NINL: variants seen among roughly 807,000 people sequenced by gnomAD.
NINL encodes the protein ninein like, also known as ninein-like protein.
NINL carries 153 observed loss-of-function variants against 160.3 expected under a neutral mutation model. That is an observed-to-expected ratio of 0.95 (90% confidence interval 0.84 to 1.09). The LOEUF is 1.09. Among genes scored for constraint, NINL ranks in the 50% least tolerant of loss-of-function variants. The pLI is 0.00. For missense variants in NINL, 1,829 were observed against 1,764.0 expected (o/e 1.04, Z -0.66); for synonymous variants, 800 against 734.8 (o/e 1.09, Z -1.43).
rs545247551 is a variant in NINL, at chr20:25,539,752, G to A, written c.-11-13154C>T. ...TAACTCTCCCCAGGGAGCCCACAGC[G>A]TGTGAGCCGCCCACCCAAAGCCCTC... On this transcript the variant is annotated intron_variant, in intron 1 of 23. Transcript: ENST00000278886. 5.2e-4 allele frequency among the ~76,000 whole-genome samples: 79 copies of A among 152,324 alleles called. 1 individual carries two copies. The highest frequency in any genetic ancestry group is 1.7e-3 in the African/African-American group (69 of 41,570).
intron 23 of NINL, among the ~76,000 whole-genome samples, chr20:25,454,977 C>T (rs2090631009): frequency 6.6e-6 from 1 of 152,178 alleles, no homozygotes; most frequent in African/African-American, 2.4e-5. Context: ...AAACCCCTGA[C>T]CTTGGCTTCT....
chr20:25,502,520 C>T (rs926984127), intron 7 of NINL, among the ~76,000 whole-genome samples: 1 of 152,168 alleles, frequency 6.6e-6, no homozygotes, highest in South Asian at 2.1e-4. Flanking sequence ...TAGACAGACT[C>T]GATGGATCCT....
In NINL at chr20:25,476,414, C is replaced by T; in HGVS notation, c.2877G>A (p.Glu959=). 6.0e-6 allele frequency: 3 copies of T among 497,870 alleles called. No homozygotes were observed. The highest frequency in any genetic ancestry group is 2.8e-3 in the East Asian group (1 of 360). The allele number at this position is 497,870 out of a possible 1,614,324, so 30.8% of individuals were successfully genotyped here. A position where few individuals can be genotyped will look rare whatever the true frequency, so the allele number is the denominator to read the frequency against. ...ACGAAGCGGCCGGCCTCAGGGGTGG[C>T]TCCCACATCCGTGGCTGGGTTTGCG... ...DASQTQPRMW[E]PPLRPAASCR... The change falls in exon 17 of 24, where the codon GAG becomes GAA. Residue 959 remains glutamate (E), a synonymous_variant. Coordinates refer to ENST00000278886, the MANE Select transcript of NINL (RefSeq NM_025176.6).
rs766047303 is a variant in NINL at position 25,526,608 on chromosome 20, T to C, written c.-11-10A>G. ...TCCATCCCATAGCAGGCTGGCAGTGTGCAAGGGAAGAAGAAAACATCAGGA... is the reference window on the plus strand; with the variant it reads ...TCCATCCCATAGCAGGCTGGCAGTGCGCAAGGGAAGAAGAAAACATCAGGA... On this transcript the variant is annotated splice_polypyrimidine_tract_variant and intron_variant, in intron 1 of 23. Transcript: ENST00000278886. 6.2e-7 allele frequency: 1 copy of C among 1,606,706 alleles called. No individual in the cohort carries two copies. The highest frequency in any genetic ancestry group is 1.7e-5 in the Admixed American group (1 of 59,746).
Position 25,550,781 on chromosome 20 carries a change from A to G in NINL, c.-11-24183T>C, listed in dbSNP as rs190356362. Among the ~76,000 whole-genome samples the G allele has an allele frequency of 5.1e-3, 773 of 152,358 alleles. 3 individuals carry two copies. The highest frequency in any genetic ancestry group is 7.3e-3 in the Non-Finnish European group (500 of 68,044). On this transcript the variant is annotated intron_variant, in intron 1 of 23. Coordinates refer to ENST00000278886, the MANE Select transcript of NINL (RefSeq NM_025176.6). ...GCGGTTTTTTCCTATCTCAGTAAAT[A>G]GAATGTACGATCAGGTTTTACACTG...
chr20:25,493,245 T>C (rs886585577), intron 10 of NINL, among the ~76,000 whole-genome samples: 7 of 152,028 alleles, frequency 4.6e-5, no homozygotes, highest in Non-Finnish European at 8.8e-5. Context: ...CAAGGAGCAC[T>C]CTTGTCTAGG....
At chr20:25,529,319 T>C (rs1449423007) in intron 1 of NINL, among the ~76,000 whole-genome samples, 3 of 152,112 alleles carry the variant, frequency 2.0e-5, no homozygotes, top group Non-Finnish European at 2.9e-5. Flanking sequence ...ATTAAACTGA[T>C]TGTAGAAGGT....
chr20:25,491,297 G>A, intron 11 of NINL, 54 bp downstream of exon 11: 3 of 1,551,964 alleles, frequency 1.9e-6, no homozygotes, highest in Non-Finnish European at 2.6e-6. Context: ...ACGTGGGTGT[G>A]GGGAATGCTC....
chr20:25,490,677 G>A lies in NINL; in HGVS notation c.1485+674C>T, dbSNP rs1342142688. On this transcript the variant is annotated intron_variant, in intron 11 of 23. Coordinates refer to ENST00000278886, the MANE Select transcript of NINL (RefSeq NM_025176.6). The stretch of plus-strand genomic sequence containing the variant: ...AACCAGGGATCAGATATCGTACCAG[G>A]ACAGCTCAGACAGCCATTGCCAGGG... 2.6e-5 allele frequency among the ~76,000 whole-genome samples: 4 copies of A among 152,080 alleles called. No homozygotes were observed. The East Asian group carries it at 7.7e-4, about 29-fold the overall frequency.
chr20:25,462,464 C>T lies in NINL; in HGVS notation c.3501G>A (p.Gln1167=). The change falls in exon 20 of 24, where the codon CAG becomes CAA. Residue 1167 remains glutamine, a synonymous_variant. Coordinates refer to ENST00000278886, the MANE Select transcript of NINL (RefSeq NM_025176.6). Reference sequence around the variant, plus strand: ...TCACACGATGCTCCTCGTTTTGGGCCTGGTGGGTAGAAGCCTCCTGTCCCA... The same window carrying T: ...TCACACGATGCTCCTCGTTTTGGGCTTGGTGGGTAGAAGCCTCCTGTCCCA... ...LQLGQEASTH[Q]AQNEEHRVTI... is the part of the protein sequence containing the mutation. 10 of 1,614,170 alleles carry T rather than the reference C, an allele frequency of 6.2e-6. No homozygotes were observed. Among genetic ancestry groups the T allele is most frequent in the Admixed American group, 1.7e-5 (1 of 60,014 alleles).
Position 25,571,778 on chromosome 20 carries a change from A to T in NINL, c.-12+13677T>A, listed in dbSNP as rs145943370. Among the ~76,000 whole-genome samples the T allele has an allele frequency of 8.3e-4, 125 of 149,728 alleles. 1 individual carries two copies. In the East Asian group the frequency reaches 0.023, roughly 28 times the overall value. On this transcript the variant is annotated intron_variant, in intron 1 of 23. Coordinates refer to ENST00000278886, the MANE Select transcript of NINL (RefSeq NM_025176.6). ...GTTACTCAGGAGGCTGAGGCAGGAG[A>T]ATTGCTTGAATCCTGGGAGGCAAAG... is the stretch of plus-strand genomic sequence containing the variant.
At chr20:25,518,962 C>G (rs2146921952) in intron 2 of NINL, among the ~76,000 whole-genome samples, 1 of 152,064 alleles carries the variant, frequency 6.6e-6, no homozygotes, top group South Asian at 2.1e-4. Context: ...GCCGGGCATG[C>G]TGGCGTGTGC....
chr20:25,574,772 G>A (rs1568974749), intron 1 of NINL, among the ~76,000 whole-genome samples: 1 of 152,182 alleles, frequency 6.6e-6, no homozygotes, highest in Non-Finnish European at 1.5e-5. Context: ...TGGTATGGGG[G>A]TGGAATCCTT....
chr20:25,567,043 C>A (rs898322853), intron 1 of NINL, among the ~76,000 whole-genome samples: 2 of 151,944 alleles, frequency 1.3e-5, no homozygotes, highest in Admixed American at 1.3e-4. Flanking sequence ...GAGTTTGAGG[C>A]TGCAGTGAAC....
At chr20:25,543,293 TA>T (rs1270591838) in intron 1 of NINL, among the ~76,000 whole-genome samples, 3 of 152,162 alleles carry the variant, frequency 2.0e-5, no homozygotes, top group Non-Finnish European at 4.4e-5. Flanking sequence ...CTCATGCCTG[TA>T]ATCCCAGCAC....
At chr20:25,493,974 C>T (rs1342521238) in intron 10 of NINL, among the ~76,000 whole-genome samples, 3 of 152,048 alleles carry the variant, frequency 2.0e-5, no homozygotes, top group African/African-American at 7.3e-5. Flanking sequence ...TGACCACAGT[C>T]CCACAGGGGC....
At chr20:25,457,909 A>C (rs1399325426) in intron 22 of NINL, among the ~76,000 whole-genome samples, 1 of 152,200 alleles carries the variant, frequency 6.6e-6, no homozygotes, top group Admixed American at 6.5e-5. Flanking sequence ...AGGCACAGAG[A>C]GGTTCACTTG....
intron 2 of NINL, among the ~76,000 whole-genome samples, chr20:25,525,567 T>C (rs964545705): frequency 1.3e-5 from 2 of 152,028 alleles, no homozygotes; most frequent in African/African-American, 2.4e-5. Context: ...GGCGGGAGGA[T>C]TGCTTGAGTC....
chr20:25,462,506 A>C lies in NINL; in HGVS notation c.3459T>G (p.Asn1153Lys). The stretch of plus-strand genomic sequence containing the variant: ...CCTGTCCCAGTTGAAGAACCCTGAC[A>C]TTGAGCTGGGATAATTGATCCTTGT... ...QNYKDQLSQL[N>K]VRVLQLGQEA... Residue 1153 changes from asparagine (N) to lysine (K), a missense_variant, in exon 20 of 24, where the codon AAT becomes AAG. Physicochemically the swap from Asn to Lys is moderately conservative, Grantham distance 94 (BLOSUM62 0). Transcript: ENST00000278886. The C allele has an allele frequency of 6.2e-7, 1 of 1,614,204 alleles. No homozygotes were observed. The highest frequency in any genetic ancestry group is 8.5e-7 in the Non-Finnish European group (1 of 1,180,032).
Sources: gnomAD v4.1 joint callset for allele counts (sites outside exome capture counted in the v4.1 genomes callset) on GRCh38, gnomAD v4.1.1 for gene constraint, MANE v1.5 for transcripts, NCBI Gene and HGNC (gene_info 2026-07-23, HGNC 2026-07-21) for gene names.